Variants in DPYD observed in about 807,000 individuals in gnomAD.
DPYD encodes the protein dihydropyrimidine dehydrogenase [NADP(+)].
DPYD carries 109 observed loss-of-function variants against 116.2 expected under a neutral mutation model. The ratio of observed to expected loss-of-function variants is 0.94; its 90% confidence interval spans 0.80 to 1.10. The LOEUF (loss-of-function observed/expected upper bound fraction) is 1.10, where lower values mean the gene tolerates loss of function less well. DPYD is among the 50% of genes least tolerant of loss of function. The pLI is 0.00. For missense variants in DPYD, 1,302 were observed against 1,254.5 expected (o/e 1.04, Z -0.57); for synonymous variants, 440 against 432.0 (o/e 1.02, Z -0.23).
chr1:97,694,885 T>C (rs1242017914), intron 6 of DPYD, among the ~76,000 whole-genome samples: 1 of 152,208 alleles, frequency 6.6e-6, no homozygotes, highest in Non-Finnish European at 1.5e-5. Flanking sequence ...TTCTAAACAA[T>C]AGCCATAGTT....
chr1:97,736,850 T>C (rs1001865541), intron 4 of DPYD, among the ~76,000 whole-genome samples: 3 of 142,024 alleles, frequency 2.1e-5, no homozygotes, highest in African/African-American at 5.3e-5. Context: ...GTGTGTGCAT[T>C]TGTGTGTGTG....
chr1:97,594,003 T>A (rs1235198477), intron 9 of DPYD, among the ~76,000 whole-genome samples: 1 of 152,180 alleles, frequency 6.6e-6, no homozygotes, highest in Non-Finnish European at 1.5e-5. Flanking sequence ...AAAAGAAATA[T>A]GACTTTCTAA....
At chr1:97,686,308 C>A (rs1571189521) in intron 7 of DPYD, among the ~76,000 whole-genome samples, 1 of 152,136 alleles carries the variant, frequency 6.6e-6, no homozygotes, top group East Asian at 1.9e-4. Context: ...CCCTTCCTTA[C>A]ACCTTATACA....
intron 1 of DPYD, among the ~76,000 whole-genome samples, chr1:97,918,069 T>C (rs1674312866): frequency 1.3e-5 from 2 of 152,078 alleles, no homozygotes; most frequent in Admixed American, 6.5e-5. Context: ...AAATTCAGAC[T>C]GTATCCAAAC....
At chr1:97,680,503 G>C (rs1253877777) in intron 7 of DPYD, among the ~76,000 whole-genome samples, 4 of 152,112 alleles carry the variant, frequency 2.6e-5, no homozygotes, top group Admixed American at 2.0e-4. Context: ...ACTGCATGTG[G>C]CCATTGATTT....
intron 3 of DPYD, among the ~76,000 whole-genome samples, chr1:97,819,948 T>C (rs1668830949): frequency 1.3e-5 from 2 of 152,074 alleles, no homozygotes; most frequent in South Asian, 4.1e-4. Context: ...GAAATATGCA[T>C]ACACATGCAC....
At chr1:97,808,996 T>C (rs1372229497) in intron 3 of DPYD, among the ~76,000 whole-genome samples, 1 of 152,186 alleles carries the variant, frequency 6.6e-6, no homozygotes, top group East Asian at 1.9e-4. Context: ...TAGACCAGTA[T>C]GGCTAAATAT....
chr1:97,851,904 G>A (rs545197857), intron 2 of DPYD, among the ~76,000 whole-genome samples: 5 of 151,132 alleles, frequency 3.3e-5, no homozygotes, highest in Non-Finnish European at 5.9e-5. Context: ...CAGGCAGAAA[G>A]TGCAGCAAAC....
At chr1:97,227,328 T>G in intron 19 of DPYD, among the ~76,000 whole-genome samples, 1 of 42,248 alleles carries the variant, frequency 2.4e-5, no homozygotes, top group Non-Finnish European at 3.7e-5. Flanking sequence ...TGAGACTCTA[T>G]CTCAAAAAAA....
intron 2 of DPYD, among the ~76,000 whole-genome samples, chr1:97,878,109 T>C (rs528072793): frequency 2.6e-5 from 4 of 152,000 alleles, no homozygotes; most frequent in African/African-American, 9.7e-5. Context: ...ATAGTGCTTA[T>C]AGCTAAATTC....
intron 4 of DPYD, among the ~76,000 whole-genome samples, chr1:97,733,065 C>G (rs933643504): frequency 6.6e-6 from 1 of 151,902 alleles, no homozygotes; most frequent in African/African-American, 2.4e-5. Context: ...GAAAATAGAT[C>G]TAAATAAATA....
intron 16 of DPYD, among the ~76,000 whole-genome samples, chr1:97,355,965 T>C (rs1013219997): frequency 6.6e-6 from 1 of 152,200 alleles, no homozygotes; most frequent in Admixed American, 6.5e-5. Context: ...GATTGTTGGA[T>C]CATATGGTAA....
intron 10 of DPYD, 22 bp downstream of exon 10, chr1:97,593,196 T>C: frequency 6.2e-7 from 1 of 1,613,338 alleles, no homozygotes; most frequent in Non-Finnish European, 8.5e-7. Flanking sequence ...CAACTCCATA[T>C]TTTCTGATGG....
chr1:97,303,825 T>C (rs1038873600), intron 18 of DPYD, among the ~76,000 whole-genome samples: 2 of 152,000 alleles, frequency 1.3e-5, no homozygotes, highest in African/African-American at 4.8e-5. Context: ...CAAGTGAATA[T>C]TTATATATGA....
chr1:97,254,638 C>T (rs574359372), intron 18 of DPYD, among the ~76,000 whole-genome samples: 1 of 152,300 alleles, frequency 6.6e-6, no homozygotes, highest in African/African-American at 2.4e-5. Context: ...GATGTATTTA[C>T]ATATTCACTT....
chr1:97,294,286 T>G (rs1439280908), intron 18 of DPYD, among the ~76,000 whole-genome samples: 1 of 152,182 alleles, frequency 6.6e-6, no homozygotes, highest in African/African-American at 2.4e-5. Context: ...TTAACCTTCT[T>G]GTTTATTTTT....
At chr1:97,172,330 T>C (rs1230852164) in intron 20 of DPYD, among the ~76,000 whole-genome samples, 3 of 152,218 alleles carry the variant, frequency 2.0e-5, no homozygotes, top group Non-Finnish European at 4.4e-5. Context: ...AAACTCATAT[T>C]AGGTTCTGAC....
intron 14 of DPYD, among the ~76,000 whole-genome samples, chr1:97,417,994 G>A (rs1219015886): frequency 6.6e-6 from 1 of 152,118 alleles, no homozygotes; most frequent in African/African-American, 2.4e-5. Flanking sequence ...ATAAAGACAA[G>A]CTATGCAGAA....
At chr1:97,294,799 C>T (rs1666422864) in intron 18 of DPYD, among the ~76,000 whole-genome samples, 1 of 152,116 alleles carries the variant, frequency 6.6e-6, no homozygotes, top group South Asian at 2.1e-4. Context: ...CATTTTTGTT[C>T]CTTGAAACGA....
Sources: allele counts gnomAD v4.1 joint callset (sites outside exome capture counted in the v4.1 genomes callset), GRCh38; gene constraint gnomAD v4.1.1; transcripts MANE v1.5; gene names NCBI Gene and HGNC (gene_info 2026-07-23, HGNC 2026-07-21).